Variants in XPNPEP1 observed in about 807,000 individuals in gnomAD.
XPNPEP1 encodes the protein X-prolyl aminopeptidase 1, also known as xaa-Pro aminopeptidase 1.
A neutral mutation model predicts 92.4 loss-of-function variants in XPNPEP1; 39 were observed. The ratio of observed to expected loss-of-function variants is 0.42; its 90% CI spans 0.33 to 0.55. The LOEUF (loss-of-function observed/expected upper bound fraction) is 0.55. Ranked by LOEUF, XPNPEP1 falls within the 20% of genes least tolerant of loss-of-function variation. The pLI is 0.08. For missense variants in XPNPEP1, 654 were observed against 856.1 expected (o/e 0.76, Z 2.95); for synonymous variants, 307 against 299.4 (o/e 1.03, Z -0.26).
intron 2 of XPNPEP1, among the ~76,000 whole-genome samples, chr10:109,911,429 C>A (rs1304206973): frequency 6.6e-6 from 1 of 152,162 alleles, no homozygotes; most frequent in Non-Finnish European, 1.5e-5. Flanking sequence ...GTCTAATCTA[C>A]TGGGCCTATA....
intron 3 of XPNPEP1, among the ~76,000 whole-genome samples, chr10:109,903,930 C>T (rs1042724356): frequency 6.6e-6 from 1 of 151,410 alleles, no homozygotes; most frequent in Non-Finnish European, 1.5e-5. Flanking sequence ...CTGCAACCTC[C>T]ACCTCCTGGG....
At chr10:109,914,097 A>C (rs1048305058) in intron 2 of XPNPEP1, among the ~76,000 whole-genome samples, 1 of 152,146 alleles carries the variant, frequency 6.6e-6, no homozygotes, top group African/African-American at 2.4e-5. Context: ...AAAAAAAAAA[A>C]AACACATGGT....
chr10:109,888,633 GGGCCC>G, intron 5 of XPNPEP1, 38 bp from the exon 6 acceptor site: 1 of 1,509,054 alleles, frequency 6.6e-7, no homozygotes, highest in South Asian at 1.2e-5. Flanking sequence ...AATTCCCAGT[GGGCCC>G]ACGCTCATTA....
At chr10:109,881,157 C>G (rs920945477) in intron 10 of XPNPEP1, among the ~76,000 whole-genome samples, 6 of 152,342 alleles carry the variant, frequency 3.9e-5, no homozygotes, top group Non-Finnish European at 8.8e-5. Context: ...AACAAGGTGT[C>G]TCTCTTCCAT....
At chr10:109,913,326 T>C (rs1024761431) in intron 2 of XPNPEP1, among the ~76,000 whole-genome samples, 1 of 152,254 alleles carries the variant, frequency 6.6e-6, no homozygotes, top group Non-Finnish European at 1.5e-5. Flanking sequence ...TCTATTACAC[T>C]GCAGGAGCTC....
At chr10:109,895,373 C>T (rs770013172) in intron 3 of XPNPEP1, among the ~76,000 whole-genome samples, 36 of 152,318 alleles carry the variant, frequency 2.4e-4, no homozygotes, top group African/African-American at 7.7e-4. Context: ...GATGGAAGAT[C>T]CGCAGGGTTT....
chr10:109,921,424 A>T (rs1564801823), intron 1 of XPNPEP1, among the ~76,000 whole-genome samples: 1 of 152,216 alleles, frequency 6.6e-6, no homozygotes, highest in Non-Finnish European at 1.5e-5. Context: ...AGCACTTTCA[A>T]TCTTTGTATA....
At position 109,875,596 on chromosome 10, in the gene XPNPEP1, T is replaced by G. The variant is rs751990606; in HGVS notation, c.1323A>C (p.Pro441=). The change falls in exon 15 of 21, where the codon CCA becomes CCC. Residue 441 remains proline, a synonymous_variant. Coordinates refer to ENST00000502935, the MANE Select transcript of XPNPEP1 (RefSeq NM_020383.4). ...GPNGAIIHYA[P]VPETNRTLSL... Reference sequence around the variant, plus strand: ...ACAAGGTCCTATTCGTCTCAGGGACTGGCCTAACAAAGTTAATTAAAAATT... The same window carrying G: ...ACAAGGTCCTATTCGTCTCAGGGACGGGCCTAACAAAGTTAATTAAAAATT... 6.2e-7 allele frequency: 1 copy of G among 1,614,054 alleles called. No homozygotes were observed. The highest frequency in any genetic ancestry group is 2.2e-5 in the East Asian group (1 of 44,866).
intron 20 of XPNPEP1, 112 bp from the exon 21 acceptor site, chr10:109,865,424 G>T: frequency 1.4e-6 from 2 of 1,394,236 alleles, no homozygotes; most frequent in Non-Finnish European, 2.0e-6. Context: ...TGAGAGAAAA[G>T]GTGTGCAACA....
chr10:109,878,270 C>A, intron 12 of XPNPEP1: 1 of 558,012 alleles, frequency 1.8e-6, no homozygotes. Context: ...TAATTTTTCA[C>A]TCAACTATTG....
At chr10:109,917,347 A>ATATAATGTAATGTAATTTT (rs1170169009) in intron 1 of XPNPEP1, among the ~76,000 whole-genome samples, 2 of 152,354 alleles carry the variant, frequency 1.3e-5, no homozygotes, top group South Asian at 2.1e-4. Context: ...TGTAATGAGC[A>ATATAATGTAATGTAATTTT]ATTCAAAAAT....
chr10:109,877,526 C>G lies in XPNPEP1; in HGVS notation c.1319+264G>C, dbSNP rs1421349831. ...GCTATGCATACAGTTCCTGCAGCTT[C>G]AAAAAGGAAAGAGGGACACCCATCT... On this transcript the variant is annotated intron_variant, in intron 14 of 20. Coordinates refer to ENST00000502935, the MANE Select transcript of XPNPEP1 (RefSeq NM_020383.4). 5 of 482,610 alleles carry G rather than the reference C, an allele frequency of 1.0e-5. No homozygotes were observed. In the South Asian group the frequency reaches 1.4e-4, roughly 13 times the overall value. 29.9% of individuals were successfully genotyped at this position (482,610 alleles called of 1,614,324 possible). A position where few individuals can be genotyped will look rare whatever the true frequency, so the allele number is the denominator to read the frequency against.
chr10:109,877,578 C>T lies in XPNPEP1; in HGVS notation c.1319+212G>A, dbSNP rs1847852961. 3 of 606,650 alleles carry T rather than the reference C, an allele frequency of 4.9e-6. No homozygotes were observed. In the Admixed American group the frequency reaches 8.9e-5, roughly 18 times the overall value. 37.6% of individuals were successfully genotyped at this position (606,650 alleles called of 1,614,324 possible). A position where few individuals can be genotyped will look rare whatever the true frequency, so the allele number is the denominator to read the frequency against. ...ACTACCCTGCAGAGAATGCCAGTGC[C>T]ATACTGAGCCTAAGAAGAGGCTCCC... On this transcript the variant is annotated intron_variant, in intron 14 of 20. Transcript: ENST00000502935.
chr10:109,908,645 G>A (rs561266543), intron 2 of XPNPEP1, among the ~76,000 whole-genome samples: 2 of 152,088 alleles, frequency 1.3e-5, no homozygotes, highest in African/African-American at 2.4e-5. Flanking sequence ...AAAAAATATA[G>A]ATTGTTCTTA....
In XPNPEP1 at chr10:109,907,803, G is replaced by A. The variant is rs1363395162; in HGVS notation, c.134C>T (p.Pro45Leu). Residue 45 changes from proline (P) to leucine (L), a missense_variant, in exon 3 of 21, where the codon CCT (proline) becomes CTT (leucine). Physicochemically the swap from Pro to Leu is moderately conservative, Grantham distance 98. Transcript: ENST00000502935. ...DTGVETDGRM[P>L]PKVTSELLRQ... ...AAGCAGCTCTGAAGTCACCTTTGGA[G>A]GCATTCTGCCGTCTGCAACAACAGG... is the stretch of plus-strand genomic sequence containing the variant. 2.5e-6 allele frequency: 4 copies of A among 1,614,180 alleles called. No homozygotes were observed. Among genetic ancestry groups the A allele is most frequent in the Middle Eastern group, 1.7e-4 (1 of 6,056 alleles).
At chr10:109,873,248 G>A in intron 16 of XPNPEP1, 119 bp downstream of exon 16, 1 of 1,162,072 alleles carries the variant, frequency 8.6e-7, no homozygotes, top group Non-Finnish European at 1.3e-6. Flanking sequence ...TCCACAGCAA[G>A]GAGCAATTTT....
At chr10:109,873,855 T>C (rs560634755) in intron 15 of XPNPEP1, among the ~76,000 whole-genome samples, 26 of 152,220 alleles carry the variant, frequency 1.7e-4, no homozygotes, top group African/African-American at 6.0e-4. Context: ...CTGGAAGACA[T>C]TGTGCTAAAT....
chr10:109,913,638 T>G (rs371423552), intron 2 of XPNPEP1, among the ~76,000 whole-genome samples: 49 of 152,344 alleles, frequency 3.2e-4, no homozygotes, highest in African/African-American at 1.2e-3. Flanking sequence ...CAAAGTCAGC[T>G]GGTTCATCAG....
intron 8 of XPNPEP1, among the ~76,000 whole-genome samples, chr10:109,885,359 CTAAG>C (rs1470233062): frequency 6.6e-6 from 1 of 152,148 alleles, no homozygotes; most frequent in African/African-American, 2.4e-5. Context: ...CTGATTATCT[CTAAG>C]TAACAGAATT....
Sources: allele counts gnomAD v4.1 joint callset (sites outside exome capture counted in the v4.1 genomes callset), GRCh38; gene constraint gnomAD v4.1.1; transcripts MANE v1.5; gene names NCBI Gene and HGNC (gene_info 2026-07-23, HGNC 2026-07-21).